PCDH15: variants seen among roughly 807,000 people sequenced by gnomAD.
PCDH15 encodes the protein protocadherin related 15.
Under a neutral mutation model 178.5 loss-of-function variants are expected in PCDH15, and 129 were observed. That is an observed-to-expected ratio of 0.72 (90% CI 0.63 to 0.84). The LOEUF (loss-of-function observed/expected upper bound fraction) is 0.84. PCDH15 is among the 40% of genes least tolerant of loss of function. The pLI, the probability that PCDH15 is intolerant of heterozygous loss-of-function variation, is 0.00. For missense variants in PCDH15, 2,230 were observed against 2,099.9 expected (o/e 1.06, Z -1.21); for synonymous variants, 800 against 732.0 (o/e 1.09, Z -1.50).
intron 3 of PCDH15, among the ~76,000 whole-genome samples, chr10:54,889,742 C>T (rs1954427352): frequency 6.6e-6 from 1 of 151,350 alleles, no homozygotes; most frequent in Non-Finnish European, 1.5e-5. Flanking sequence ...TGAGGGACAA[C>T]AAGGTTTTTA....
chr10:55,194,018 T>G (rs1840015014), intron 1 of PCDH15, among the ~76,000 whole-genome samples: 1 of 152,024 alleles, frequency 6.6e-6, no homozygotes, highest in Admixed American at 6.6e-5. Flanking sequence ...AGTACAGTGC[T>G]AAGTTATACA....
chr10:54,264,869 T>TCA (rs2057566213), intron 8 of PCDH15, among the ~76,000 whole-genome samples: 1 of 152,136 alleles, frequency 6.6e-6, no homozygotes, highest in Non-Finnish European at 1.5e-5. Flanking sequence ...ATTCTCAATT[T>TCA]TGTTAGAGAT....
At chr10:55,288,022 T>G (rs1348544302) in intron 1 of PCDH15, among the ~76,000 whole-genome samples, 1 of 150,986 alleles carries the variant, frequency 6.6e-6, no homozygotes, top group Non-Finnish European at 1.5e-5. Context: ...ATTTATATAT[T>G]TGTAAATATG....
At chr10:53,845,078 C>G (rs2077884814) in intron 28 of PCDH15, among the ~76,000 whole-genome samples, 1 of 151,690 alleles carries the variant, frequency 6.6e-6, no homozygotes, top group African/African-American at 2.4e-5. Context: ...AGACAATTCT[C>G]AAAAGAAGAT....
chr10:55,422,340 G>T (rs1838642586), intron 2 of PCDH15, among the ~76,000 whole-genome samples: 2 of 151,832 alleles, frequency 1.3e-5, no homozygotes, highest in East Asian at 1.9e-4. Context: ...AAGAGGAAAA[G>T]GCACCATATT....
intron 11 of PCDH15, among the ~76,000 whole-genome samples, chr10:54,192,122 AAG>A (rs1338190180): frequency 1.5e-5 from 2 of 131,024 alleles, no homozygotes; most frequent in African/African-American, 6.9e-5. Context: ...AAAAAAAAGA[AAG>A]AAAGAAAGAG....
At chr10:55,410,685 C>T (rs1838310592) in intron 2 of PCDH15, among the ~76,000 whole-genome samples, 3 of 152,002 alleles carry the variant, frequency 2.0e-5, no homozygotes, top group Non-Finnish European at 4.4e-5. Context: ...GGATCAGTGG[C>T]TATTATTGGA....
At chr10:55,469,164 G>C (rs1006528425) in intron 2 of PCDH15, 2 of 152,140 alleles carry the variant, frequency 1.3e-5, no homozygotes, top group Non-Finnish European at 1.5e-5. Flanking sequence ...GACAGAAGAA[G>C]AGTGGCTTAT....
chr10:54,686,968 A>T (rs1741641153), intron 1 of PCDH15, among the ~76,000 whole-genome samples: 1 of 152,192 alleles, frequency 6.6e-6, no homozygotes, highest in African/African-American at 2.4e-5. Flanking sequence ...TGGGCTAAAG[A>T]CTTGGAAAGA....
intron 1 of PCDH15, among the ~76,000 whole-genome samples, chr10:54,761,955 A>C (rs1394821204): frequency 2.0e-5 from 3 of 152,118 alleles, no homozygotes; most frequent in African/African-American, 7.2e-5. Flanking sequence ...AGTGATAACA[A>C]CATATATATA....
At chr10:54,604,095 TC>T (rs552660787) in intron 2 of PCDH15, among the ~76,000 whole-genome samples, 10 of 152,092 alleles carry the variant, frequency 6.6e-5, no homozygotes, top group African/African-American at 2.4e-4. Context: ...GTTTCTTGTT[TC>T]TTTACCATTA....
At position 53,903,154 on chromosome 10, in the gene PCDH15, A is replaced by G; in HGVS notation, c.3501+89T>C. 3.5e-6 allele frequency: 5 copies of G among 1,420,312 alleles called. No individual in the cohort carries two copies. The East Asian group carries it at 1.1e-4, about 33-fold the overall frequency. 88.0% of individuals were successfully genotyped at this position (1,420,312 alleles called of 1,614,324 possible). ...AGGCTTTTGTTTATACAGCATAAGT[A>G]TGCAGTTAATGCAAACTACAGGCTT... On this transcript the variant is annotated intron_variant, in intron 26 of 37. Coordinates refer to ENST00000644397, the MANE Select transcript of PCDH15 (RefSeq NM_001384140.1).
chr10:54,682,780 C>T (rs780138604), intron 1 of PCDH15, among the ~76,000 whole-genome samples: 3 of 152,096 alleles, frequency 2.0e-5, no homozygotes, highest in African/African-American at 4.8e-5. Context: ...TTAACTGAGT[C>T]GTAAATTCCA....
rs1028715509 is a variant in PCDH15, at chr10:54,277,010, C to T, written c.877-40079G>A. 3.1e-4 allele frequency among the ~76,000 whole-genome samples: 47 copies of T among 151,698 alleles called. 1 individual carries two copies. Among genetic ancestry groups the T allele is most frequent in the Non-Finnish European group, 6.5e-4 (44 of 67,666 alleles). On this transcript the variant is annotated intron_variant, in intron 8 of 37. Coordinates refer to ENST00000644397, the MANE Select transcript of PCDH15 (RefSeq NM_001384140.1). ...TTATTCTCTTTAAAATGATCTGACT[C>T]ACAAACTTAAGAGCTGGTGGAAATT...
chr10:54,498,902 G>T (rs2080376688), intron 3 of PCDH15, among the ~76,000 whole-genome samples: 1 of 152,092 alleles, frequency 6.6e-6, no homozygotes, highest in African/African-American at 2.4e-5. Context: ...GGGGAAGTAG[G>T]CACTTCCTCA....
chr10:54,469,553 GGCC>G lies in PCDH15; in HGVS notation c.157+58256_157+58258del, dbSNP rs1565356217. The stretch of plus-strand genomic sequence containing the variant: ...GGTGGTGAAGTCTTGCTGGGGACAG[GGCC>G]ATCAGGTGGGCCAGTCTTTGGCCCC... On this transcript the variant is annotated intron_variant, in intron 3 of 37. Transcript: ENST00000644397. 2.5e-3 allele frequency among the ~76,000 whole-genome samples: 380 copies of G among 150,250 alleles called. 1 individual carries two copies. Among genetic ancestry groups the G allele is most frequent in the African/African-American group, 9.0e-3 (357 of 39,708 alleles).
chr10:55,091,070 A>G (rs1842306380), intron 2 of PCDH15, among the ~76,000 whole-genome samples: 1 of 151,970 alleles, frequency 6.6e-6, no homozygotes, highest in Non-Finnish European at 1.5e-5. Flanking sequence ...CAAATGCAAA[A>G]GACAGTTTTA....
At chr10:53,871,879 C>A (rs916411153) in intron 26 of PCDH15, among the ~76,000 whole-genome samples, 2 of 151,980 alleles carry the variant, frequency 1.3e-5, no homozygotes, top group Admixed American at 6.6e-5. Flanking sequence ...TTAGCCTCCC[C>A]AGCAGCTGGG....
intron 4 of PCDH15, among the ~76,000 whole-genome samples, chr10:54,373,643 T>A (rs1280827931): frequency 6.6e-6 from 1 of 151,984 alleles, no homozygotes; most frequent in Non-Finnish European, 1.5e-5. Context: ...TATGAAAAGT[T>A]TAATGTGGGT....
Sources: allele counts gnomAD v4.1 joint callset (sites outside exome capture counted in the v4.1 genomes callset), GRCh38; gene constraint gnomAD v4.1.1; transcripts MANE v1.5; gene names NCBI Gene and HGNC (gene_info 2026-07-23, HGNC 2026-07-21).